SMIM36: variants seen among roughly 807,000 people sequenced by gnomAD.
SMIM36 encodes small integral membrane protein 36.
At chr17:55,529,929 A>G in the SMIM36 span, among the ~76,000 whole-genome samples, 1 of 152,252 alleles carries the variant, frequency 6.6e-6, no homozygotes, top group Admixed American at 6.5e-5. Flanking sequence ...AGGTAAGTGC[A>G]TCCTCAGCCA....
intron 1 of SMIM36, among the ~76,000 whole-genome samples, chr17:55,483,506 C>A (rs780974309): frequency 1.7e-4 from 26 of 152,164 alleles, no homozygotes; most frequent in Non-Finnish European, 3.7e-4. Context: ...GGTGGGCCTC[C>A]TCTAGTCAGT....
chr17:55,472,223 A>G (rs1483062720), intron 3 of SMIM36, among the ~76,000 whole-genome samples: 1 of 152,196 alleles, frequency 6.6e-6, no homozygotes. Context: ...AAACCCAATC[A>G]ATTTTCACCA....
rs147665445 is a variant in SMIM36, at chr17:55,495,945, A to G, written c.*174+14934T>C. Among the ~76,000 whole-genome samples the G allele has an allele frequency of 5.0e-3, 759 of 152,296 alleles. 9 individuals carry two copies. Among genetic ancestry groups the G allele is most frequent in the South Asian group, 0.015 (71 of 4,830 alleles). ...AGTCTTGCTGCCATTTAAGAAATCA[A>G]TTATTCCCCTTTGGCCCCTGGATCT... On this transcript the variant is annotated intron_variant, in intron 1 of 4. Coordinates refer to ENST00000636752, the Ensembl canonical transcript of SMIM36.
At position 55,466,373 on chromosome 17, in the gene SMIM36, T is replaced by C. The variant is rs542171827; in HGVS notation, c.*531+772A>G. On this transcript the variant is annotated intron_variant, in intron 4 of 4. Transcript: ENST00000636752. ...TTCAAGTTTGGGAGCGGCTGGAGTC[T>C]GGTTTGAATGAGAAGTTAGGGCCAG... 1.8e-4 allele frequency among the ~76,000 whole-genome samples: 27 copies of C among 151,068 alleles called. No individual in the cohort carries two copies. The East Asian group carries it at 5.3e-3, about 29-fold the overall frequency.
chr17:55,484,869 G>A (rs2143282159), intron 1 of SMIM36, among the ~76,000 whole-genome samples: 1 of 152,286 alleles, frequency 6.6e-6, no homozygotes, highest in East Asian at 1.9e-4. Flanking sequence ...AATGGCATGA[G>A]GCAAAGGCAA....
chr17:55,526,279 G>A, the SMIM36 span, among the ~76,000 whole-genome samples: 1 of 152,206 alleles, frequency 6.6e-6, no homozygotes, highest in Middle Eastern at 3.4e-3. Flanking sequence ...AAGTACCTGG[G>A]ATTACAGGTG....
At chr17:55,461,593 C>A (rs979155114) in intron 4 of SMIM36, among the ~76,000 whole-genome samples, 2 of 151,884 alleles carry the variant, frequency 1.3e-5, no homozygotes, top group Non-Finnish European at 2.9e-5. Flanking sequence ...CAGAGTGAAA[C>A]CCTGTCTCAA....
At chr17:55,498,206 C>T (rs1909841549) in intron 1 of SMIM36, among the ~76,000 whole-genome samples, 1 of 152,194 alleles carries the variant, frequency 6.6e-6, no homozygotes, top group East Asian at 1.9e-4. Context: ...GCCCACCATA[C>T]TCCAGTGTGA....
At chr17:55,522,349 C>G in the SMIM36 span, among the ~76,000 whole-genome samples, 1 of 152,326 alleles carries the variant, frequency 6.6e-6, no homozygotes, top group South Asian at 2.1e-4. Flanking sequence ...AGAAAAACCT[C>G]CTGTATTAGT....
chr17:55,482,844 T>C (rs577664043), intron 1 of SMIM36, among the ~76,000 whole-genome samples: 1 of 152,360 alleles, frequency 6.6e-6, no homozygotes, highest in East Asian at 1.9e-4. Context: ...TTCCCTTTTC[T>C]TAAAATGTGA....
intron 4 of SMIM36, among the ~76,000 whole-genome samples, chr17:55,451,107 G>C (rs918592108): frequency 1.3e-5 from 2 of 152,064 alleles, no homozygotes; most frequent in Admixed American, 6.6e-5. Context: ...GGCTGGTCTC[G>C]AACTCCTGAC....
rs1412663550 is a variant in SMIM36 at position 55,510,861 on chromosome 17, C to A, written c.*174+18G>T. 1 of 365,292 alleles carries A rather than the reference C, an allele frequency of 2.7e-6. No homozygotes were observed. The highest frequency in any genetic ancestry group is 4.9e-6 in the Non-Finnish European group (1 of 205,396). 22.6% of individuals were successfully genotyped at this position (365,292 alleles called of 1,614,324 possible). The stretch of plus-strand genomic sequence containing the variant: ...TGCATTTGGAGAATTTGACTAAAGA[C>A]CACTTTGGGCTTCTTACCTTAAACA... On this transcript the variant is annotated intron_variant, in intron 1 of 4. Coordinates refer to ENST00000636752, the Ensembl canonical transcript of SMIM36.
Position 55,501,166 on chromosome 17 carries a change from ATC to A in SMIM36, c.*174+9711_*174+9712del, listed in dbSNP as rs371891890. 5.3e-5 allele frequency among the ~76,000 whole-genome samples: 3 copies of A among 57,072 alleles called. 1 individual carries two copies. Among genetic ancestry groups the A allele is most frequent in the Non-Finnish European group, 6.8e-5 (2 of 29,596 alleles). The allele number at this position is 57,072 out of a possible 152,430, so 37.4% of individuals were successfully genotyped here. ...TCTTATATTTTATAATATATAATAT[ATC>A]TTATATATTATAATATATAATATAT... On this transcript the variant is annotated intron_variant, in intron 1 of 4. Coordinates refer to ENST00000636752, the Ensembl canonical transcript of SMIM36.
chr17:55,501,276 A>ATATATTATATTTTATAATATATATTATG (rs1909951362), intron 1 of SMIM36, among the ~76,000 whole-genome samples: 3 of 42,440 alleles, frequency 7.1e-5, no homozygotes, highest in Non-Finnish European at 8.4e-5. Flanking sequence ...AATATATTAT[A>ATATATTATATTTTATAATATATATTATG]TTATATATTA....
chr17:55,515,084 G>GTTTTTTTTTTTTTTTT (rs1567874075), upstream of SMIM36, among the ~76,000 whole-genome samples: 16 of 56,104 alleles, frequency 2.9e-4, 5 homozygotes, highest in Non-Finnish European at 4.3e-4. Context: ...TTCTAGTCTA[G>GTTTTTTTTTTTTTTTT]TGTTTTTTTT....
At chr17:55,451,822 T>G (rs1295214615) in intron 4 of SMIM36, among the ~76,000 whole-genome samples, 2 of 152,136 alleles carry the variant, frequency 1.3e-5, no homozygotes, top group African/African-American at 2.4e-5. Flanking sequence ...TTAGACTGTA[T>G]GCAGGGGCTG....
At chr17:55,486,087 G>A (rs1261929298) in intron 1 of SMIM36, among the ~76,000 whole-genome samples, 1 of 148,432 alleles carries the variant, frequency 6.7e-6, no homozygotes, top group African/African-American at 2.5e-5. Flanking sequence ...GCAGGCTGGA[G>A]TGCAATGGCG....
At chr17:55,484,615 G>A (rs1207858752) in intron 1 of SMIM36, among the ~76,000 whole-genome samples, 3 of 152,218 alleles carry the variant, frequency 2.0e-5, no homozygotes, top group African/African-American at 7.2e-5. Flanking sequence ...AGATGAGGCT[G>A]CATCAGGCCT....
chr17:55,471,560 C>T (rs1250675499), intron 3 of SMIM36, among the ~76,000 whole-genome samples: 1 of 152,162 alleles, frequency 6.6e-6, no homozygotes, highest in Non-Finnish European at 1.5e-5. Context: ...TGGATATTTC[C>T]TAGTCTAGAT....
Sources: allele counts gnomAD v4.1 joint callset (sites outside exome capture counted in the v4.1 genomes callset), GRCh38; gene constraint gnomAD v4.1.1; transcripts MANE v1.5; gene names NCBI Gene and HGNC (gene_info 2026-07-23, HGNC 2026-07-21).